TYRO3: variants seen among roughly 807,000 people sequenced by gnomAD.
The protein encoded by TYRO3 is tyrosine-protein kinase receptor TYRO3.
TYRO3 carries 38 observed loss-of-function variants against 95.2 expected under a neutral mutation model. The ratio of observed to expected loss-of-function variants is 0.40; its 90% CI spans 0.31 to 0.52. The LOEUF (loss-of-function observed/expected upper bound fraction) is 0.52, where lower values mean the gene tolerates loss of function less well. Ranked by LOEUF, TYRO3 falls within the 20% of genes least tolerant of loss-of-function variation. The pLI, the probability that TYRO3 is intolerant of heterozygous loss-of-function variation, is 0.56. For synonymous variants in TYRO3, 367 were observed against 432.9 expected (o/e 0.85, Z 1.89); for missense variants, 812 against 1,116.4 (o/e 0.73, Z 3.89).
In TYRO3 at chr15:41,559,261, G is replaced by A. The variant is rs1029507402; in HGVS notation, c.4G>A (p.Ala2Thr). M[A>T]LRRSMGRPGL... ...GCATGGTGCGGCGTCGCCGCCGATG[G>A]CGCTGAGGCGGAGCATGGGGCGGCC... Residue 2 changes from alanine to threonine, a missense_variant, in exon 1 of 19, where the codon GCG becomes ACG. Ala to Thr is a moderately conservative substitution (Grantham distance 58). Coordinates refer to ENST00000263798, the MANE Select transcript of TYRO3 (RefSeq NM_006293.4). 12 of 424,104 alleles carry A rather than the reference G, an allele frequency of 2.8e-5. No homozygotes were observed. Among genetic ancestry groups the A allele is most frequent in the African/African-American group, 2.4e-4 (11 of 46,102 alleles). The allele number at this position is 424,104 out of a possible 1,614,324, so 26.3% of individuals were successfully genotyped here. A position where few individuals can be genotyped will look rare whatever the true frequency, so the allele number is the denominator to read the frequency against.
Position 41,571,033 on chromosome 15 carries a change from C to T in TYRO3, c.1580-5C>T. ...AGACTCTCCCTTACTTGGATTGGTT[C>T]CTAGGAGAGTTTGGTTCAGTGCGGG... On this transcript the variant is annotated splice_region_variant and splice_polypyrimidine_tract_variant and intron_variant, in intron 12 of 18. Transcript: ENST00000263798. 6.2e-7 allele frequency: 1 copy of T among 1,613,798 alleles called. No homozygotes were observed. The highest frequency in any genetic ancestry group is 8.5e-7 in the Non-Finnish European group (1 of 1,179,870).
rs1231238709 is a variant in TYRO3 at position 41,573,004 on chromosome 15, C to A, written c.1878C>A (p.Asn626Lys). 7 of 1,613,778 alleles carry A rather than the reference C, an allele frequency of 4.3e-6. No individual in the cohort carries two copies. Among genetic ancestry groups the A allele is most frequent in the Non-Finnish European group, 5.9e-6 (7 of 1,179,776 alleles). Residue 626 changes from asparagine (N) to lysine (K), a missense_variant and splice_region_variant, in exon 16 of 19, where the codon AAC becomes AAA. Coordinates refer to ENST00000263798, the MANE Select transcript of TYRO3 (RefSeq NM_006293.4). Reference protein sequence around the residue: ...LASRIGENPFNLPLQTLIRFM... With the variant: ...LASRIGENPFKLPLQTLIRFM... ...AGCTTGGCCTGTCTGTCCACTAGAA[C>A]CTACCCCTCCAGACCCTGATCCGGT...
chr15:41,568,418 C>T (rs1800092165), intron 8 of TYRO3, 56 bp downstream of exon 8: 12 of 1,526,054 alleles, frequency 7.9e-6, no homozygotes, highest in Middle Eastern at 1.8e-4. Context: ...CTTCAGGGTT[C>T]TAAGGCCTTT....
At chr15:41,570,446 C>A in intron 11 of TYRO3, 106 bp downstream of exon 11, 1 of 1,314,288 alleles carries the variant, frequency 7.6e-7, no homozygotes, top group Non-Finnish European at 1.1e-6. Context: ...CATCAGTGAG[C>A]CCCAGGCACA....
chr15:41,575,856 CG>C (rs1241935790), intron 18 of TYRO3, among the ~76,000 whole-genome samples: 1 of 152,004 alleles, frequency 6.6e-6, no homozygotes, highest in East Asian at 1.9e-4. Flanking sequence ...GGCTCACGCC[CG>C]TAATCCCAGC....
In TYRO3 at chr15:41,581,445, G is replaced by A. The variant is rs1245529774; in HGVS notation, c.*3169G>A. ...AACCTGAAAAACTTCCAGGCAAGTA[G>A]CTTTCAGAATCTTTCCTGCTGTGAT... is the stretch of plus-strand genomic sequence containing the variant. On this transcript the variant is annotated 3_prime_UTR_variant, in exon 19 of 19. Coordinates refer to ENST00000263798, the MANE Select transcript of TYRO3 (RefSeq NM_006293.4). 6.5e-6 allele frequency: 1 copy of A among 153,240 alleles called. No homozygotes were observed. The highest frequency in any genetic ancestry group is 1.5e-5 in the Non-Finnish European group (1 of 68,054). The allele number at this position is 153,240 out of a possible 1,614,324, so 9.5% of individuals were successfully genotyped here. A position where few individuals can be genotyped will look rare whatever the true frequency, so the allele number is the denominator to read the frequency against.
chr15:41,564,759 C>T (rs2140821502), intron 5 of TYRO3: 2 of 472,620 alleles, frequency 4.2e-6, no homozygotes, highest in South Asian at 2.3e-5. Flanking sequence ...CCCCACATAC[C>T]CTCTCATCTT....
intron 5 of TYRO3, 72 bp from the exon 6 acceptor site, chr15:41,564,954 C>A: frequency 9.7e-7 from 1 of 1,026,526 alleles, no homozygotes; most frequent in Non-Finnish European, 1.5e-6. Flanking sequence ...AGACTCAAGG[C>A]TTGACTCCCA....
intron 14 of TYRO3, 55 bp from the exon 15 acceptor site, chr15:41,572,388 C>A: frequency 6.4e-7 from 1 of 1,561,738 alleles, no homozygotes; most frequent in South Asian, 1.2e-5. Flanking sequence ...TATGCAGACA[C>A]CTGAACTGCC....
intron 5 of TYRO3, chr15:41,564,744 GC>G (rs964269062): frequency 1.3e-4 from 60 of 444,622 alleles, no homozygotes; most frequent in Admixed American, 7.9e-4. Context: ...AGCCTGAGGT[GC>G]TGCCCCCACA....
In TYRO3 at chr15:41,571,862, C is replaced by T. The variant is rs532668565; in HGVS notation, c.1753+175C>T. 2.2e-4 allele frequency among the ~76,000 whole-genome samples: 33 copies of T among 152,216 alleles called. 1 individual carries two copies. In the South Asian group the frequency reaches 4.6e-3, roughly 21 times the overall value. On this transcript the variant is annotated intron_variant, in intron 14 of 18. Coordinates refer to ENST00000263798, the MANE Select transcript of TYRO3 (RefSeq NM_006293.4). Reference sequence around the variant, plus strand: ...AGGTGAGGAGTGCCAAAGGTCTGCACATGAAGACTGTGTGGCTGGATGTGG... The same window carrying T: ...AGGTGAGGAGTGCCAAAGGTCTGCATATGAAGACTGTGTGGCTGGATGTGG...
intron 5 of TYRO3, 37 bp downstream of exon 5, chr15:41,564,307 CA>C: frequency 6.3e-7 from 1 of 1,584,594 alleles, no homozygotes; most frequent in Non-Finnish European, 8.7e-7. Context: ...TGGATGAGGC[CA>C]GGGGCATTCC....
intron 1 of TYRO3, among the ~76,000 whole-genome samples, chr15:41,560,476 G>C (rs1386960911): frequency 6.6e-6 from 1 of 150,800 alleles, no homozygotes; most frequent in Non-Finnish European, 1.5e-5. Flanking sequence ...AGTGGCCCCT[G>C]TTAATGTGGC....
Position 41,567,440 on chromosome 15 carries a change from G to C in TYRO3, c.864G>C (p.Leu288=), listed in dbSNP as rs370604414. ...VPPFTCLLRD[L]VPATNYSLRV... ...CCTTTACCTGCCTGCTCCGGGACCT[G>C]GTGCCTGCCACCAACTACAGCCTCA... is the stretch of plus-strand genomic sequence containing the variant. Residue 288 remains leucine, a synonymous_variant, in exon 7 of 19, where the codon CTG becomes CTC. Coordinates refer to ENST00000263798, the MANE Select transcript of TYRO3 (RefSeq NM_006293.4). 4 of 1,609,496 alleles carry C rather than the reference G, an allele frequency of 2.5e-6. No individual in the cohort carries two copies. The African/African-American group carries it at 5.4e-5, about 22-fold the overall frequency.
rs1288540361 is a variant in TYRO3, at chr15:41,582,937, C to T, written c.*4661C>T. ...TGATAGTAAACTGATTCTCCCACCTCAGCGTCCTGAATAGCTGGGACCACA... is the reference window on the plus strand; with the variant it reads ...TGATAGTAAACTGATTCTCCCACCTTAGCGTCCTGAATAGCTGGGACCACA... On this transcript the variant is annotated 3_prime_UTR_variant, in exon 19 of 19. Coordinates refer to ENST00000263798, the MANE Select transcript of TYRO3 (RefSeq NM_006293.4). The T allele has an allele frequency of 6.8e-6, 1 of 147,464 alleles. No individual in the cohort carries two copies. The highest frequency in any genetic ancestry group is 2.0e-4 in the East Asian group (1 of 5,064). The allele number at this position is 147,464 out of a possible 1,614,324, so 9.1% of individuals were successfully genotyped here.
Position 41,578,567 on chromosome 15 carries a change from G to T in TYRO3, c.*291G>T. 1 of 481,140 alleles carries T rather than the reference G, an allele frequency of 2.1e-6. No individual in the cohort carries two copies. The highest frequency in any genetic ancestry group is 2.4e-5 in the South Asian group (1 of 42,064). The allele number at this position is 481,140 out of a possible 1,614,324, so 29.8% of individuals were successfully genotyped here. A position where few individuals can be genotyped will look rare whatever the true frequency, so the allele number is the denominator to read the frequency against. On this transcript the variant is annotated 3_prime_UTR_variant, in exon 19 of 19. Transcript: ENST00000263798. ...AGGAGTGGGGTGGTTATGTTTCCAT[G>T]GTTACCATGGGTGTGGATGGCAGTG...
Position 41,573,347 on chromosome 15 carries a change from A to C in TYRO3, c.2025A>C (p.Gly675=), listed in dbSNP as rs1466706203. Reference sequence around the variant, plus strand: ...TGACAGTGTGTGTGGCTGACTTCGGACTCTCCCGGAAGATCTACAGTGGGG... The same window carrying C: ...TGACAGTGTGTGTGGCTGACTTCGGCCTCTCCCGGAAGATCTACAGTGGGG... ...EDMTVCVADF[G]LSRKIYSGDY... is the part of the protein sequence containing the mutation. The change falls in exon 17 of 19, where the codon GGA becomes GGC. Residue 675 remains glycine, a synonymous_variant. Transcript: ENST00000263798. 6.2e-7 allele frequency: 1 copy of C among 1,613,902 alleles called. No individual in the cohort carries two copies. Among genetic ancestry groups the C allele is most frequent in the South Asian group, 1.1e-5 (1 of 91,060 alleles).
rs755000856 is a variant in TYRO3, at chr15:41,570,039, C to T, written c.1265C>T (p.Pro422Leu). The change falls in exon 10 of 19, where the codon CCT becomes CTT. Residue 422 changes from proline (P) to leucine (L), a missense_variant. Coordinates refer to ENST00000263798, the MANE Select transcript of TYRO3 (RefSeq NM_006293.4). Reference sequence around the variant, plus strand: ...CTCCCTCCCACAGGCCAGCAGGGCCCTCCTCACAGCCGCACATCCTGGGTA... The same window carrying T: ...CTCCCTCCCACAGGCCAGCAGGGCCTTCCTCACAGCCGCACATCCTGGGTA... ...SSHDRAGQQG[P>L]PHSRTSWVPV... The T allele has an allele frequency of 6.2e-7, 1 of 1,613,066 alleles. No individual in the cohort carries two copies. Among genetic ancestry groups the T allele is most frequent in the Admixed American group, 1.7e-5 (1 of 60,030 alleles).
intron 5 of TYRO3, chr15:41,564,636 G>A: frequency 5.4e-6 from 2 of 369,596 alleles, no homozygotes; most frequent in Non-Finnish European, 5.1e-6. Context: ...GAGGAGACCA[G>A]AGGGCTGGTG....
Sources: gnomAD v4.1 joint callset for allele counts (sites outside exome capture counted in the v4.1 genomes callset) on GRCh38, gnomAD v4.1.1 for gene constraint, MANE v1.5 for transcripts, NCBI Gene and HGNC (gene_info 2026-07-23, HGNC 2026-07-21) for gene names.